DHX36: variants seen among roughly 807,000 people sequenced by gnomAD.
DHX36 encodes DEAH-box helicase 36, also known as ATP-dependent DNA/RNA helicase DHX36.
Under a neutral mutation model 139.0 loss-of-function variants are expected in DHX36, and 50 were observed. The ratio of observed to expected loss-of-function variants is 0.36; its 90% CI spans 0.29 to 0.46. The LOEUF (loss-of-function observed/expected upper bound fraction) is 0.46, where lower values mean the gene tolerates loss of function less well. Among genes scored for constraint, DHX36 ranks in the 20% least tolerant of loss-of-function variants. The pLI is 1.00. For missense variants in DHX36, 1,024 were observed against 1,211.3 expected (o/e 0.85, Z 2.29); for synonymous variants, 425 against 401.9 (o/e 1.06, Z -0.69).
rs772959037 is a variant in DHX36 at position 154,289,820 on chromosome 3, T to G, written c.1821A>C (p.Gln607His). 1 of 1,577,802 alleles carries G rather than the reference T, an allele frequency of 6.3e-7. No individual in the cohort carries two copies. Among genetic ancestry groups the G allele is most frequent in the South Asian group, 1.2e-5 (1 of 84,494 alleles). The change falls in exon 16 of 25, where the codon CAA becomes CAC. Residue 607 changes from glutamine (Q) to histidine (H), a missense_variant. Coordinates refer to ENST00000496811, the MANE Select transcript of DHX36 (RefSeq NM_020865.3). The part of the protein sequence containing the change: ...KQRKGRAGRV[Q>H]PGHCYHLYNG... The stretch of plus-strand genomic sequence containing the variant: ...TATACAGATGATAGCAATGACCAGG[T>G]TGAACTCTTAAAAAAAAAACAAAAC...
At chr3:154,308,449 A>T (rs368639953) in intron 5 of DHX36, among the ~76,000 whole-genome samples, 1 of 152,202 alleles carries the variant, frequency 6.6e-6, no homozygotes, top group African/African-American at 2.4e-5. Flanking sequence ...TAGCATAAAT[A>T]AATTCACTAT....
At chr3:154,321,811 T>A (rs948873471) in intron 1 of DHX36, among the ~76,000 whole-genome samples, 2 of 151,242 alleles carry the variant, frequency 1.3e-5, no homozygotes, top group African/African-American at 4.9e-5. Flanking sequence ...ATACAAAAAT[T>A]AGCCAAGTGT....
chr3:154,324,359 C>T lies in DHX36; in HGVS notation c.58G>A (p.Gly20Arg). The T allele has an allele frequency of 1.3e-6, 2 of 1,597,826 alleles. No homozygotes were observed. The highest frequency in any genetic ancestry group is 1.7e-6 in the Non-Finnish European group (2 of 1,170,576). Reference sequence around the variant, plus strand: ...CCTGCTGGCCCCCCTCCATAGCCCCCACCGGAGCTGCGGGGACCCCCATCA... The same window carrying T: ...CCTGCTGGCCCCCCTCCATAGCCCCTACCGGAGCTGCGGGGACCCCCATCA... ...GRDGGPRSSGGGYGGGPAGGH... is the reference protein window; with the variant it reads ...GRDGGPRSSGRGYGGGPAGGH... Residue 20 changes from glycine to arginine, a missense_variant, in exon 1 of 25, where the codon GGG becomes AGG. Transcript: ENST00000496811.
At chr3:154,314,257 C>G (rs73872810) in intron 3 of DHX36, among the ~76,000 whole-genome samples, 1,724 of 152,316 alleles carry the variant, frequency 0.011, 31 homozygotes, top group African/African-American at 0.04. Context: ...CTTATCTATT[C>G]TAATACGGAA....
Position 154,318,517 on chromosome 3 carries a change from C to T in DHX36, c.244-2354G>A, listed in dbSNP as rs569518918. ...CTAATTTTATGAGATTTCACGCCCCCGGAAAAGGTGAATTACTGGATAACA... is the reference window on the plus strand; with the variant it reads ...CTAATTTTATGAGATTTCACGCCCCTGGAAAAGGTGAATTACTGGATAACA... On this transcript the variant is annotated intron_variant, in intron 1 of 24. Coordinates refer to ENST00000496811, the MANE Select transcript of DHX36 (RefSeq NM_020865.3). Among the ~76,000 whole-genome samples the T allele has an allele frequency of 1.4e-3, 209 of 152,064 alleles. 1 individual carries two copies. Among genetic ancestry groups the T allele is most frequent in the African/African-American group, 5.0e-3 (206 of 41,488 alleles).
chr3:154,319,937 T>G (rs1364288032), intron 1 of DHX36, among the ~76,000 whole-genome samples: 1 of 152,210 alleles, frequency 6.6e-6, no homozygotes, highest in Non-Finnish European at 1.5e-5. Context: ...CTTCCTCATC[T>G]TCACAGCAAA....
chr3:154,311,471 C>T (rs1039547734), intron 4 of DHX36, among the ~76,000 whole-genome samples, 165 bp downstream of exon 4: 1 of 151,842 alleles, frequency 6.6e-6, no homozygotes, highest in Admixed American at 6.6e-5. Flanking sequence ...TGTTTATGAA[C>T]CTTTTTTTTC....
rs775516867 is a variant in DHX36, at chr3:154,316,030, T to C, written c.368+9A>G. 4 of 1,609,486 alleles carry C rather than the reference T, an allele frequency of 2.5e-6. No homozygotes were observed. The South Asian group carries it at 4.4e-5, about 18-fold the overall frequency. ...TGCCTATTCTTTAAAAAAATATTTC[T>C]TGTCGTACCCATGATCCTCAGGAGC... On this transcript the variant is annotated intron_variant, in intron 2 of 24. Transcript: ENST00000496811.
chr3:154,278,608 C>T (rs982058341), intron 22 of DHX36: 2 of 151,970 alleles, frequency 1.3e-5, no homozygotes, highest in African/African-American at 4.8e-5. Flanking sequence ...TCCTGGGTAG[C>T]TGGGATTACA....
intron 1 of DHX36, among the ~76,000 whole-genome samples, chr3:154,320,475 C>T (rs1439914597): frequency 6.6e-6 from 1 of 152,108 alleles, no homozygotes; most frequent in Non-Finnish European, 1.5e-5. Context: ...TGTTCACTCC[C>T]ACACTCCAAC....
intron 17 of DHX36, among the ~76,000 whole-genome samples, 188 bp from the exon 18 acceptor site, chr3:154,285,175 T>C (rs1470833078): frequency 1.3e-5 from 2 of 152,204 alleles, no homozygotes; most frequent in African/African-American, 4.8e-5. Flanking sequence ...TACAAACTTA[T>C]TTAAACATAA....
chr3:154,306,301 A>C lies in DHX36; in HGVS notation c.814-6T>G, dbSNP rs1449795254. The C allele has an allele frequency of 5.0e-6, 8 of 1,610,150 alleles. No individual in the cohort carries two copies. The highest frequency in any genetic ancestry group is 5.9e-6 in the Non-Finnish European group (7 of 1,176,902). On this transcript the variant is annotated splice_polypyrimidine_tract_variant and splice_region_variant and intron_variant, in intron 5 of 24. Transcript: ENST00000496811. Reference sequence around the variant, plus strand: ...GCAGCTACTCTTTCCGCAACCTTTAATTCAAATAAAACATAAAGAGAATAT... The same window carrying C: ...GCAGCTACTCTTTCCGCAACCTTTACTTCAAATAAAACATAAAGAGAATAT...
Position 154,315,155 on chromosome 3 carries a change from C to T in DHX36, c.494G>A (p.Arg165Gln), listed in dbSNP as rs766862291. 1.1e-5 allele frequency: 18 copies of T among 1,613,284 alleles called. No homozygotes were observed. Among genetic ancestry groups the T allele is most frequent in the Non-Finnish European group, 1.4e-5 (17 of 1,179,586 alleles). ...FRIRNRSYID[R>Q]DSEYLLQENE... ...TTCTTGCAAGAGATACTCAGAATCT[C>T]GGTCAATATATGATCTGTTCCTGAT... The change falls in exon 3 of 25, where the codon CGA becomes CAA. Residue 165 changes from arginine to glutamine, a missense_variant. This residue lies in a region of DHX36 where 293 missense variants were observed against 274.4 expected (regional missense o/e 1.07). Coordinates refer to ENST00000496811, the MANE Select transcript of DHX36 (RefSeq NM_020865.3).
At chr3:154,290,909 C>T (rs866559726) in intron 15 of DHX36, among the ~76,000 whole-genome samples, 1 of 150,802 alleles carries the variant, frequency 6.6e-6, no homozygotes, top group Non-Finnish European at 1.5e-5. Flanking sequence ...CCGAGGCGGG[C>T]GGATCACGAG....
At chr3:154,279,955 AT>A (rs1719280200) in intron 22 of DHX36, 2 of 152,156 alleles carry the variant, frequency 1.3e-5, no homozygotes, top group Non-Finnish European at 2.9e-5. Context: ...CTTAAGACAC[AT>A]CTATCAAATT....
chr3:154,296,747 T>C (rs1712062207), intron 12 of DHX36, among the ~76,000 whole-genome samples: 1 of 152,156 alleles, frequency 6.6e-6, no homozygotes, highest in Non-Finnish European at 1.5e-5. Flanking sequence ...TCAGCTATAC[T>C]TCCCCAGAAA....
chr3:154,280,937 AAAT>A (rs1719316184), intron 20 of DHX36, 75 bp from the exon 21 acceptor site: 2 of 1,101,546 alleles, frequency 1.8e-6, no homozygotes, highest in Non-Finnish European at 2.7e-6. Context: ...ACTAATAGAT[AAAT>A]TGAGTTGTAA....
At position 154,292,709 on chromosome 3, in the gene DHX36, G is replaced by GATAT. The variant is rs1264292877; in HGVS notation, c.1671-19_1671-16dup. On this transcript the variant is annotated splice_polypyrimidine_tract_variant and intron_variant, in intron 14 of 24. Transcript: ENST00000496811. ...CTATGGTAATGCTGTTTGGAAAACA[G>GATAT]ATATATAAAATGTTAAAACACACAC... 6 of 1,602,766 alleles carry GATAT rather than the reference G, an allele frequency of 3.7e-6. No individual in the cohort carries two copies. Among genetic ancestry groups the GATAT allele is most frequent in the Non-Finnish European group, 5.1e-6 (6 of 1,177,466 alleles).
intron 22 of DHX36, chr3:154,279,768 A>C (rs1268026992): frequency 1.3e-5 from 2 of 152,134 alleles, no homozygotes; most frequent in Admixed American, 6.5e-5. Context: ...ATAATTCTAG[A>C]ATATCCAACT....
Sources: allele counts gnomAD v4.1 joint callset (sites outside exome capture counted in the v4.1 genomes callset), GRCh38; gene constraint gnomAD v4.1.1; regional missense constraint gnomAD v4.1.1; transcripts MANE v1.5; gene names NCBI Gene and HGNC (gene_info 2026-07-23, HGNC 2026-07-21).